PRKG1: variants seen among roughly 807,000 people sequenced by gnomAD.
PRKG1 encodes protein kinase cGMP-dependent 1.
Under a neutral mutation model 88.1 loss-of-function variants are expected in PRKG1, and 35 were observed. The ratio of observed to expected loss-of-function variants is 0.40; its 90% confidence interval spans 0.30 to 0.53. The LOEUF is 0.53. PRKG1 is among the 20% of genes least tolerant of loss of function. The pLI is 0.59. For missense variants in PRKG1, 540 were observed against 839.8 expected, an observed-to-expected ratio of 0.64 and a Z score of 4.41; for synonymous variants, 303 against 292.5, an observed-to-expected ratio of 1.04 and a Z score of -0.37.
intron 5 of PRKG1, among the ~76,000 whole-genome samples, chr10:52,050,253 G>A (rs1463768235): frequency 6.6e-6 from 1 of 152,104 alleles, no homozygotes; most frequent in Non-Finnish European, 1.5e-5. Flanking sequence ...GGAACAGTGA[G>A]AAGAGGTTGG....
chr10:51,903,343 T>C (rs1185071668), intron 4 of PRKG1, among the ~76,000 whole-genome samples: 4 of 152,136 alleles, frequency 2.6e-5, no homozygotes, highest in Admixed American at 2.0e-4. Flanking sequence ...TACTAGATGA[T>C]AGTGTAGATT....
intron 1 of PRKG1, among the ~76,000 whole-genome samples, chr10:51,106,372 C>T (rs141693790): frequency 3.3e-5 from 5 of 152,086 alleles, no homozygotes; most frequent in African/African-American, 7.2e-5. Context: ...ATTTAAGACA[C>T]GATGGTTCAG....
At chr10:52,055,637 C>A (rs540975043) in intron 6 of PRKG1, among the ~76,000 whole-genome samples, 8 of 152,096 alleles carry the variant, frequency 5.3e-5, no homozygotes, top group Admixed American at 4.6e-4. Flanking sequence ...TATATGATAA[C>A]CTATGATTTA....
chr10:51,354,224 A>G (rs75444732), intron 2 of PRKG1, among the ~76,000 whole-genome samples: 8,773 of 152,038 alleles, frequency 0.058, 320 homozygotes, highest in African/African-American at 0.1. Flanking sequence ...GAAAGAATGA[A>G]TGAGACCTAA....
rs541424441 is a variant in PRKG1 at position 52,145,124 on chromosome 10, T to C, written c.1001+11219T>C. ...GTGAGTTTTGTTTTGTTTTACTTTT[T>C]ACAATCAGATGATGAATGGAAATTG... is the stretch of plus-strand genomic sequence containing the variant. On this transcript the variant is annotated intron_variant, in intron 8 of 17. Coordinates refer to ENST00000373980, the MANE Select transcript of PRKG1 (RefSeq NM_006258.4). 7.2e-5 allele frequency among the ~76,000 whole-genome samples: 11 copies of C among 152,316 alleles called. No individual in the cohort carries two copies. In the East Asian group the frequency reaches 2.1e-3, roughly 29 times the overall value.
At chr10:51,605,490 C>T (rs1299732932) in intron 3 of PRKG1, among the ~76,000 whole-genome samples, 1 of 152,094 alleles carries the variant, frequency 6.6e-6, no homozygotes, top group Non-Finnish European at 1.5e-5. Context: ...CTGAGCCCTT[C>T]GCTAAATTTA....
chr10:51,449,416 T>G (rs1839367150), intron 2 of PRKG1, among the ~76,000 whole-genome samples: 2 of 150,718 alleles, frequency 1.3e-5, no homozygotes, highest in Admixed American at 1.3e-4. Context: ...AGAGCTTTAA[T>G]TTTATTCTTA....
At chr10:51,013,315 A>G (rs1012245051) in intron 1 of PRKG1, among the ~76,000 whole-genome samples, 1 of 152,184 alleles carries the variant, frequency 6.6e-6, no homozygotes, top group African/African-American at 2.4e-5. Flanking sequence ...TGCTACTATT[A>G]CTACCACCAC....
intron 2 of PRKG1, among the ~76,000 whole-genome samples, chr10:51,349,313 T>G: frequency 6.6e-6 from 1 of 152,154 alleles, no homozygotes; most frequent in Non-Finnish European, 1.5e-5. Flanking sequence ...TTTAGAACCA[T>G]ACTTATATCA....
chr10:51,830,874 TA>T (rs1390153806), intron 4 of PRKG1, among the ~76,000 whole-genome samples: 1 of 152,128 alleles, frequency 6.6e-6, no homozygotes, highest in Non-Finnish European at 1.5e-5. Context: ...AAGTGATTTA[TA>T]AAAAGCTGTT....
chr10:51,030,356 A>G (rs1355786251), intron 1 of PRKG1, among the ~76,000 whole-genome samples: 1 of 152,134 alleles, frequency 6.6e-6, no homozygotes, highest in Non-Finnish European at 1.5e-5. Context: ...TGCCTGATAC[A>G]CTAAGGGATC....
chr10:51,676,461 CAA>C (rs375581966), intron 3 of PRKG1, among the ~76,000 whole-genome samples: 105 of 92,728 alleles, frequency 1.1e-3, no homozygotes, highest in African/African-American at 3.3e-3. Flanking sequence ...CACCAATGCA[CAA>C]AAAAAAAAAA....
intron 5 of PRKG1, among the ~76,000 whole-genome samples, chr10:51,945,956 G>A (rs1014578957): frequency 1.3e-5 from 2 of 150,254 alleles, no homozygotes; most frequent in Non-Finnish European, 3.0e-5. Context: ...TTCTCGAGGA[G>A]TATCTTTGTG....
At chr10:51,248,542 C>T (rs1839350722) in intron 2 of PRKG1, among the ~76,000 whole-genome samples, 2 of 151,748 alleles carry the variant, frequency 1.3e-5, no homozygotes, top group South Asian at 4.1e-4. Context: ...CAGGTTTGTA[C>T]AATTATGGTA....
intron 3 of PRKG1, among the ~76,000 whole-genome samples, chr10:51,800,849 A>G (rs1216289375): frequency 6.6e-6 from 1 of 151,926 alleles, no homozygotes; most frequent in Non-Finnish European, 1.5e-5. Context: ...CTTTACCCCC[A>G]TGATGTTATC....
At chr10:51,425,818 T>C (rs1223711558) in intron 2 of PRKG1, among the ~76,000 whole-genome samples, 5 of 152,210 alleles carry the variant, frequency 3.3e-5, no homozygotes, top group Admixed American at 6.5e-5. Flanking sequence ...TGCCTGTCAT[T>C]TGCATCTGTC....
At chr10:51,913,696 T>C (rs1298075000) in intron 5 of PRKG1, among the ~76,000 whole-genome samples, 2 of 152,180 alleles carry the variant, frequency 1.3e-5, no homozygotes, top group African/African-American at 4.8e-5. Flanking sequence ...AGTAATTTAC[T>C]TGACTTTCTA....
intron 4 of PRKG1, among the ~76,000 whole-genome samples, chr10:51,813,389 A>G (rs948843145): frequency 1.3e-5 from 2 of 152,240 alleles, no homozygotes; most frequent in African/African-American, 4.8e-5. Context: ...ATTTAGGTGC[A>G]ATAAAAAATG....
chr10:51,017,996 A>AT (rs1220553118), intron 1 of PRKG1, among the ~76,000 whole-genome samples: 1 of 151,612 alleles, frequency 6.6e-6, no homozygotes, highest in African/African-American at 2.4e-5. Flanking sequence ...TATTATTATT[A>AT]TTTTTTAGGT....
Sources: gnomAD v4.1 joint callset for allele counts (sites outside exome capture counted in the v4.1 genomes callset) on GRCh38, gnomAD v4.1.1 for gene constraint, MANE v1.5 for transcripts, NCBI Gene and HGNC (gene_info 2026-07-23, HGNC 2026-07-21) for gene names.